The following C10orf67 variants were observed in gnomAD, a reference collection of about 807,000 sequenced individuals.
C10orf67 encodes uncharacterized protein C10orf67, mitochondrial.
Under a neutral mutation model 35.6 loss-of-function variants are expected in C10orf67, and 60 were observed. The ratio of observed to expected loss-of-function variants is 1.68; its 90% CI spans 1.37 to 2.09. C10orf67 has a LOEUF of 2.09. Among genes scored for constraint, C10orf67 ranks in the 30% most tolerant of loss-of-function variants. C10orf67 has a pLI of 0.00. For missense variants in C10orf67, 474 were observed against 330.2 expected (o/e 1.44, Z -3.38); for synonymous variants, 167 against 115.8 (o/e 1.44, Z -2.84).
chr10:23,323,657 T>A (rs948279333), intron 2 of C10orf67, among the ~76,000 whole-genome samples: 1 of 151,504 alleles, frequency 6.6e-6, no homozygotes, highest in Admixed American at 6.6e-5. Flanking sequence ...ATGCCTGTAA[T>A]CCCAACACTT....
rs1588604854 is a variant in C10orf67 at position 23,239,022 on chromosome 10, T to C, written c.1434+707A>G. ...TCAGAAAGAAGATGATTTTAGATTG[T>C]ATGCCTCTCGAAGCAAAAAAAAAGA... On this transcript the variant is annotated intron_variant, in intron 13 of 15. Transcript: ENST00000636213. Among the ~76,000 whole-genome samples the C allele has an allele frequency of 2.0e-5, 3 of 152,272 alleles. No homozygotes were observed. The South Asian group carries it at 6.2e-4, about 32-fold the overall frequency.
intron 8 of C10orf67, among the ~76,000 whole-genome samples, chr10:23,280,641 C>G (rs529197831): frequency 1.3e-4 from 20 of 152,282 alleles, no homozygotes; most frequent in African/African-American, 4.6e-4. Flanking sequence ...GTGGTGCAGG[C>G]TCTTGCTGCT....
intron 4 of C10orf67, among the ~76,000 whole-genome samples, chr10:23,312,340 G>T (rs1187776746): frequency 1.3e-5 from 2 of 152,032 alleles, no homozygotes; most frequent in Non-Finnish European, 2.9e-5. Flanking sequence ...TCCCAGATTG[G>T]CCAAGTGGAA....
rs1588678166 is a variant in C10orf67, at chr10:23,309,185, T to C, written c.547-5726A>G. The stretch of plus-strand genomic sequence containing the variant: ...AAAGAAAATGTAATATATTAATATA[T>C]ATATCATGGAATACTATGCAGCCAT... On this transcript the variant is annotated intron_variant, in intron 4 of 15. Transcript: ENST00000636213. Among the ~76,000 whole-genome samples the C allele has an allele frequency of 2.0e-5, 3 of 152,296 alleles. No homozygotes were observed. The East Asian group carries it at 5.8e-4, about 29-fold the overall frequency.
chr10:23,213,721 C>T (rs1437040488), intron 15 of C10orf67, among the ~76,000 whole-genome samples: 1 of 152,064 alleles, frequency 6.6e-6, no homozygotes, highest in East Asian at 1.9e-4. Context: ...CAGCTTTCAG[C>T]TTTCAAATCA....
chr10:23,333,707 GA>G (rs1845564777), intron 1 of C10orf67, among the ~76,000 whole-genome samples: 1 of 152,180 alleles, frequency 6.6e-6, no homozygotes, highest in African/African-American at 2.4e-5. Context: ...AGATTATACA[GA>G]AGCAGCTATG....
At position 23,304,082 on chromosome 10, in the gene C10orf67, C is replaced by T. The variant is rs115277393; in HGVS notation, c.547-623G>A. Among the ~76,000 whole-genome samples the T allele has an allele frequency of 1.5e-3, 236 of 152,350 alleles. 2 individuals carry two copies. The highest frequency in any genetic ancestry group is 5.4e-3 in the African/African-American group (225 of 41,578). On this transcript the variant is annotated intron_variant, in intron 4 of 15. Transcript: ENST00000636213. ...ACAAGCCCACAGGCCTCAGTCTCAG[C>T]TGTGGATCCTGAATCAGCTCTGTAA...
At chr10:23,250,738 T>C (rs1417705074) in intron 10 of C10orf67, 47 bp from the exon 11 acceptor site, 4 of 397,986 alleles carry the variant, frequency 1.0e-5, no homozygotes, top group Non-Finnish European at 1.8e-5. Context: ...AAACAATATA[T>C]CTTGTTTCTC....
intron 15 of C10orf67, among the ~76,000 whole-genome samples, chr10:23,221,101 T>C (rs1029865664): frequency 1.3e-5 from 2 of 152,150 alleles, no homozygotes; most frequent in African/African-American, 4.8e-5. Context: ...GGCTAATTCA[T>C]GGAGAAAAGA....
intron 1 of C10orf67, among the ~76,000 whole-genome samples, chr10:23,342,753 C>T (rs979079977): frequency 6.6e-6 from 1 of 152,342 alleles, no homozygotes; most frequent in East Asian, 1.9e-4. Flanking sequence ...CCCATTTTAA[C>T]AAACGTACCC....
intron 4 of C10orf67, among the ~76,000 whole-genome samples, chr10:23,316,298 A>G (rs1844708937): frequency 6.6e-6 from 1 of 152,212 alleles, no homozygotes; most frequent in African/African-American, 2.4e-5. Context: ...GTATACCACA[A>G]GTGGCTTCCA....
At chr10:23,236,613 C>T (rs1367222005) in intron 13 of C10orf67, among the ~76,000 whole-genome samples, 1 of 152,094 alleles carries the variant, frequency 6.6e-6, no homozygotes, top group Non-Finnish European at 1.5e-5. Context: ...CGTGGTGGCT[C>T]ACACCTGTAA....
intron 8 of C10orf67, among the ~76,000 whole-genome samples, chr10:23,274,040 G>A (rs1472263972): frequency 1.3e-5 from 2 of 152,002 alleles, no homozygotes; most frequent in African/African-American, 4.8e-5. Flanking sequence ...CATATTGGTA[G>A]GACCGTGATG....
chr10:23,224,579 C>G (rs865911542), intron 13 of C10orf67, among the ~76,000 whole-genome samples: 4 of 152,098 alleles, frequency 2.6e-5, no homozygotes, highest in Non-Finnish European at 5.9e-5. Flanking sequence ...CAAACTTCTC[C>G]GAGCTAAAGG....
intron 5 of C10orf67, among the ~76,000 whole-genome samples, chr10:23,292,158 C>CTTTTTTTTTTTTTTTTT (rs542812504): frequency 1.4e-5 from 1 of 69,316 alleles, no homozygotes; most frequent in Non-Finnish European, 2.6e-5. Flanking sequence ...GACAGCTACT[C>CTTTTTTTTTTTTTTTTT]TTTTTTTTTT....
At chr10:23,230,435 A>G (rs1841876710) in intron 13 of C10orf67, among the ~76,000 whole-genome samples, 1 of 152,172 alleles carries the variant, frequency 6.6e-6, no homozygotes, top group South Asian at 2.1e-4. Context: ...AAAAAATGTA[A>G]AGACAAAAAG....
At chr10:23,224,106 C>T (rs960781530) in intron 13 of C10orf67, among the ~76,000 whole-genome samples, 46 of 152,324 alleles carry the variant, frequency 3.0e-4, no homozygotes, top group African/African-American at 1.0e-3. Context: ...CTACTTGCAA[C>T]TGGTTGGAAG....
chr10:23,334,578 T>A (rs1845603062), intron 1 of C10orf67, among the ~76,000 whole-genome samples: 1 of 152,174 alleles, frequency 6.6e-6, no homozygotes, highest in Non-Finnish European at 1.5e-5. Flanking sequence ...CCCACAGAAC[T>A]CAGATGAAGT....
intron 15 of C10orf67, among the ~76,000 whole-genome samples, chr10:23,206,823 T>C (rs1841169828): frequency 3.9e-5 from 6 of 152,196 alleles, no homozygotes; most frequent in Admixed American, 3.9e-4. Flanking sequence ...TTACATGAAG[T>C]GTGAGTTTAT....
Sources: gnomAD v4.1 joint callset for allele counts (sites outside exome capture counted in the v4.1 genomes callset) on GRCh38, gnomAD v4.1.1 for gene constraint, MANE v1.5 for transcripts, NCBI Gene and HGNC (gene_info 2026-07-23, HGNC 2026-07-21) for gene names.